ABLIM2: variants seen among roughly 807,000 people sequenced by gnomAD.
The protein encoded by ABLIM2 is actin binding LIM protein family member 2.
In ABLIM2, 53 loss-of-function variants were observed where a neutral mutation model predicts 97.7. The observed-to-expected ratio is 0.54, with a 90% confidence interval of 0.44 to 0.68. The LOEUF (loss-of-function observed/expected upper bound fraction) is 0.68. Ranked by LOEUF, ABLIM2 falls within the 30% of genes least tolerant of loss-of-function variation. ABLIM2 has a pLI of 0.00. For synonymous variants in ABLIM2, 361 were observed against 345.8 expected (o/e 1.04, Z -0.49); for missense variants, 835 against 867.2 (o/e 0.96, Z 0.47).
rs965753113 is a variant in ABLIM2, at chr4:8,072,405, C to T, written c.675+5223G>A. Reference sequence around the variant, plus strand: ...GCAGCCCCAGTTTGGGTGGGGTCTGCCCCCGACCCCAGGCCAGGGCCTCTC... The same window carrying T: ...GCAGCCCCAGTTTGGGTGGGGTCTGTCCCCGACCCCAGGCCAGGGCCTCTC... On this transcript the variant is annotated intron_variant, in intron 6 of 20. Transcript: ENST00000447017. This position sits in a 1 kb window ranked among gnomAD's most constrained non-coding sequence, Gnocchi z 5.8. Among the ~76,000 whole-genome samples the T allele has an allele frequency of 2.0e-5, 3 of 152,206 alleles. No homozygotes were observed. The highest frequency in any genetic ancestry group is 2.9e-5 in the Non-Finnish European group (2 of 68,038).
In ABLIM2 at chr4:8,046,895, G is replaced by A. The variant is rs1424910307; in HGVS notation, c.823-1654C>T. Among the ~76,000 whole-genome samples the A allele has an allele frequency of 6.6e-6, 1 of 152,162 alleles. No homozygotes were observed. Among genetic ancestry groups the A allele is most frequent in the Non-Finnish European group, 1.5e-5 (1 of 68,016 alleles). ...GAGAAGGCAGCATCTACGAGCCAAC[G>A]AGGGAGAAACCACCCCAGCTAACCC... On this transcript the variant is annotated intron_variant, in intron 8 of 20. Coordinates refer to ENST00000447017, the MANE Select transcript of ABLIM2 (RefSeq NM_001130083.2). This position sits in a 1 kb window ranked among gnomAD's most constrained non-coding sequence, Gnocchi z 4.4.
chr4:8,139,025 C>G (rs182658595), intron 1 of ABLIM2, among the ~76,000 whole-genome samples: 1 of 152,150 alleles, frequency 6.6e-6, no homozygotes, highest in African/African-American at 2.4e-5. Context: ...GGCGAAACGC[C>G]GTCTCTAATA....
At chr4:7,988,687 G>A (rs1201556508) in intron 17 of ABLIM2, among the ~76,000 whole-genome samples, 1 of 152,178 alleles carries the variant, frequency 6.6e-6, no homozygotes, top group South Asian at 2.1e-4. Context: ...CCATGCTATG[G>A]AGCTTATAAA....
At chr4:8,049,257 G>A (rs1280189400) in intron 8 of ABLIM2, among the ~76,000 whole-genome samples, 2 of 152,232 alleles carry the variant, frequency 1.3e-5, no homozygotes, top group African/African-American at 4.8e-5. Context: ...TTCGTGGCTT[G>A]TGTGTTGAGT....
intron 1 of ABLIM2, among the ~76,000 whole-genome samples, chr4:8,129,337 T>C (rs748382981): frequency 3.9e-5 from 6 of 152,314 alleles, no homozygotes; most frequent in Non-Finnish European, 5.9e-5. Context: ...CATCGTAGGA[T>C]GCATCCCACC....
chr4:8,083,847 T>C lies in ABLIM2; in HGVS notation c.455-3045A>G, dbSNP rs969656150. 6.6e-6 allele frequency among the ~76,000 whole-genome samples: 1 copy of C among 152,164 alleles called. No individual in the cohort carries two copies. Among genetic ancestry groups the C allele is most frequent in the Admixed American group, 6.5e-5 (1 of 15,276 alleles). ...ATCAGCAGCAATGGCATAACCCTCC[T>C]AGAACCTTCCACTTTCCTATTTTCC... On this transcript the variant is annotated intron_variant, in intron 4 of 20. Coordinates refer to ENST00000447017, the MANE Select transcript of ABLIM2 (RefSeq NM_001130083.2). The surrounding 1 kb of genome is among the most constrained non-coding windows in gnomAD (Gnocchi z 4.6).
At position 8,112,470 on chromosome 4, in the gene ABLIM2, C is replaced by G. The variant is rs1840824605; in HGVS notation, c.11-5833G>C. Among the ~76,000 whole-genome samples the G allele has an allele frequency of 6.6e-6, 1 of 152,186 alleles. No homozygotes were observed. Among genetic ancestry groups the G allele is most frequent in the Non-Finnish European group, 1.5e-5 (1 of 68,038 alleles). ...TCTGACAGGTGGCCGTGAACAGTAG[C>G]TGTTAGCTGAATCCTCTCCAAGGCT... On this transcript the variant is annotated intron_variant, in intron 1 of 20. Transcript: ENST00000447017. This position sits in a 1 kb window ranked among gnomAD's most constrained non-coding sequence, Gnocchi z 4.2.
rs1277294186 is a variant in ABLIM2 at position 7,998,133 on chromosome 4, T to C, written c.1619-5206A>G. 6.6e-6 allele frequency among the ~76,000 whole-genome samples: 1 copy of C among 152,000 alleles called. No homozygotes were observed. Among genetic ancestry groups the C allele is most frequent in the African/African-American group, 2.4e-5 (1 of 41,388 alleles). On this transcript the variant is annotated intron_variant, in intron 16 of 20. Transcript: ENST00000447017. The surrounding 1 kb of genome is among the most constrained non-coding windows in gnomAD (Gnocchi z 6.4). ...TGATCTCAGGTGATCTGATCCGTCC[T>C]CCTCGGCCTCCCAAAGTGCTGGGAT...
rs116088399 is a variant in ABLIM2 at position 8,071,969 on chromosome 4, G to A, written c.675+5659C>T. On this transcript the variant is annotated intron_variant, in intron 6 of 20. Coordinates refer to ENST00000447017, the MANE Select transcript of ABLIM2 (RefSeq NM_001130083.2). The surrounding 1 kb of genome is among the most constrained non-coding windows in gnomAD (Gnocchi z 6.2). ...GAGCATCAGGCAGTGCCACCGCGGC[G>A]GCGGCAGCTCCCCTTCTGCGGAGCC... 5.7e-3 allele frequency: 5,568 copies of A among 985,456 alleles called. 251 individuals carry two copies. In the African/African-American group the frequency reaches 0.089, roughly 16 times the overall value. 61.0% of individuals were successfully genotyped at this position (985,456 alleles called of 1,614,324 possible). A position where few individuals can be genotyped will look rare whatever the true frequency, so the allele number is the denominator to read the frequency against.
rs1458836889 is a variant in ABLIM2 at position 8,120,177 on chromosome 4, C to T, written c.11-13540G>A. ...CAGCGGCCACGCTGCCCCTTCCTCC[C>T]AGAAGAGGACGTGGCAGGAAGCAAG... On this transcript the variant is annotated intron_variant, in intron 1 of 20. Transcript: ENST00000447017. This position sits in a 1 kb window ranked among gnomAD's most constrained non-coding sequence, Gnocchi z 5.6. 6.6e-6 allele frequency among the ~76,000 whole-genome samples: 1 copy of T among 152,146 alleles called. No individual in the cohort carries two copies. Among genetic ancestry groups the T allele is most frequent in the Admixed American group, 6.5e-5 (1 of 15,280 alleles).
At chr4:8,007,580 G>A in intron 16 of ABLIM2, 1 of 987,704 alleles carries the variant, frequency 1.0e-6, no homozygotes, top group Non-Finnish European at 1.2e-6. Flanking sequence ...CTAGGGTCAG[G>A]CAGACACCAT....
rs1019077122 is a variant in ABLIM2 at position 8,155,593 on chromosome 4, T to C, written c.10+3087A>G. ...CTGTTATGGACTGAATTGTCTAAATTCATATGCTGAAGTCCTAACCCCCAG... is the reference window on the plus strand; with the variant it reads ...CTGTTATGGACTGAATTGTCTAAATCCATATGCTGAAGTCCTAACCCCCAG... On this transcript the variant is annotated intron_variant, in intron 1 of 20. Transcript: ENST00000447017. The surrounding 1 kb of genome is among the most constrained non-coding windows in gnomAD (Gnocchi z 4.2). Among the ~76,000 whole-genome samples the C allele has an allele frequency of 5.9e-5, 9 of 152,184 alleles. No homozygotes were observed. The highest frequency in any genetic ancestry group is 2.9e-5 in the Non-Finnish European group (2 of 68,034).
In ABLIM2 at chr4:8,087,931, T is replaced by G. The variant is rs1031730871; in HGVS notation, c.454+238A>C. On this transcript the variant is annotated intron_variant, in intron 4 of 20. Coordinates refer to ENST00000447017, the MANE Select transcript of ABLIM2 (RefSeq NM_001130083.2). This position sits in a 1 kb window ranked among gnomAD's most constrained non-coding sequence, Gnocchi z 4.6. ...GCTGCTGCTGCTCTGGGTCCCCGTT[T>G]CTCAGGCTCTGTCCCTGGGCACTGC... 3.3e-5 allele frequency among the ~76,000 whole-genome samples: 5 copies of G among 151,678 alleles called. No homozygotes were observed. The highest frequency in any genetic ancestry group is 1.2e-4 in the African/African-American group (5 of 41,250).
intron 1 of ABLIM2, among the ~76,000 whole-genome samples, chr4:8,157,954 C>T (rs966421621): frequency 1.3e-5 from 2 of 152,284 alleles, no homozygotes; most frequent in Non-Finnish European, 2.9e-5. Flanking sequence ...CCAGGGCTCA[C>T]CGCCAAGGGC....
At chr4:8,053,867 T>C (rs1387350956) in intron 8 of ABLIM2, among the ~76,000 whole-genome samples, 1 of 152,128 alleles carries the variant, frequency 6.6e-6, no homozygotes, top group Non-Finnish European at 1.5e-5. Context: ...ACGGGACGGC[T>C]CTCATCAGAT....
In ABLIM2 at chr4:8,029,768, C is replaced by T; in HGVS notation, c.1056G>A (p.Gln352=). The change falls in exon 11 of 21, where the codon CAG becomes CAA. Residue 352 remains glutamine, a synonymous_variant. Coordinates refer to ENST00000447017, the MANE Select transcript of ABLIM2 (RefSeq NM_001130083.2). ...GACACTGCTTGTAGGACCGGTCATC[C>T]TGATCCCCCTGGGAGGGAAGATGCA... ...GDRQSYGEGD[Q]DDRSYKQCRT... 6.4e-7 allele frequency: 1 copy of T among 1,569,944 alleles called. No individual in the cohort carries two copies. The highest frequency in any genetic ancestry group is 8.6e-7 in the Non-Finnish European group (1 of 1,157,880).
In ABLIM2 at chr4:7,986,571, C is replaced by A. The variant is rs1744318648; in HGVS notation, c.1681-1678G>T. 6.6e-6 allele frequency among the ~76,000 whole-genome samples: 1 copy of A among 152,180 alleles called. No homozygotes were observed. The highest frequency in any genetic ancestry group is 2.4e-5 in the African/African-American group (1 of 41,446). ...CCTGACTGCATTTTCTTCTTTAGTG[C>A]CTTGCTCCCTCACTCTAGTTCTGGG... On this transcript the variant is annotated intron_variant, in intron 17 of 20. Transcript: ENST00000447017. The surrounding 1 kb of genome is among the most constrained non-coding windows in gnomAD (Gnocchi z 4.3).
chr4:8,089,168 C>T (rs1441764471), intron 3 of ABLIM2, among the ~76,000 whole-genome samples: 1 of 152,220 alleles, frequency 6.6e-6, no homozygotes, highest in East Asian at 1.9e-4. Context: ...TGAGGGACCG[C>T]AGAGAGCTGG....
intron 8 of ABLIM2, among the ~76,000 whole-genome samples, chr4:8,047,026 C>T (rs575915020): frequency 5.9e-5 from 9 of 152,332 alleles, no homozygotes. Flanking sequence ...CTGCCTGACT[C>T]AGGCTGGGCA....
Sources: gnomAD v4.1 joint callset for allele counts (sites outside exome capture counted in the v4.1 genomes callset) on GRCh38, gnomAD v4.1.1 for gene constraint, Gnocchi (gnomAD v3.1) non-coding constraint, MANE v1.5 for transcripts, NCBI Gene and HGNC (gene_info 2026-07-23, HGNC 2026-07-21) for gene names.